The following PCDH11X variants were observed in gnomAD, a reference collection of about 807,000 sequenced individuals.
The protein encoded by PCDH11X is protocadherin-11 X-linked.
A neutral mutation model predicts 53.3 loss-of-function variants in PCDH11X; 18 were observed. That is an observed-to-expected ratio of 0.34 (90% CI 0.23 to 0.50). The LOEUF is 0.50. Among genes scored for constraint, PCDH11X ranks in the 20% least tolerant of loss-of-function variants. PCDH11X has a pLI of 0.98. For missense variants in PCDH11X, 570 were observed against 1,032.4 expected, an observed-to-expected ratio of 0.55 and a Z score of 6.14; for synonymous variants, 279 against 393.3, an observed-to-expected ratio of 0.71 and a Z score of 3.44.
chrX:91,838,361 A>G (rs1448669342), intron 5 of PCDH11X, among the ~76,000 whole-genome samples: 3 of 111,898 alleles, frequency 2.7e-5, no homozygotes, highest in Non-Finnish European at 5.6e-5. Flanking sequence ...AGAATGTGTG[A>G]TAAGCCTAAA....
At chrX:92,002,888 T>C (rs182334621) in intron 6 of PCDH11X, among the ~76,000 whole-genome samples, 2,626 of 106,251 alleles carry the variant, frequency 0.025, 86 homozygotes, top group African/African-American at 0.082. Flanking sequence ...TATATTTTTC[T>C]TATGGCTCAT....
At chrX:92,177,591 G>A (rs56172869) in intron 6 of PCDH11X, among the ~76,000 whole-genome samples, 5 of 110,111 alleles carry the variant, frequency 4.5e-5, no homozygotes, top group African/African-American at 1.7e-4. Flanking sequence ...CTCTGGGGCC[G>A]GCCTGTATAA....
At chrX:92,522,257 T>G (rs1022517310) in intron 10 of PCDH11X, among the ~76,000 whole-genome samples, 10 of 111,743 alleles carry the variant, frequency 8.9e-5, no homozygotes, top group African/African-American at 2.9e-4. Context: ...GATGCCATTT[T>G]ATGGTTATTA....
intron 7 of PCDH11X, among the ~76,000 whole-genome samples, chrX:92,239,524 AATG>A (rs760489249): frequency 9.6e-4 from 107 of 111,777 alleles, no homozygotes; most frequent in African/African-American, 3.3e-3. Flanking sequence ...CTGTAAATGA[AATG>A]ATAACTTTTG....
intron 6 of PCDH11X, among the ~76,000 whole-genome samples, chrX:91,939,180 A>G (rs894707775): frequency 9.0e-6 from 1 of 111,324 alleles, no homozygotes; most frequent in African/African-American, 3.3e-5. Context: ...ACTTCCAGAA[A>G]TGCCAGCCAA....
chrX:92,448,798 T>A (rs971781771), intron 9 of PCDH11X, among the ~76,000 whole-genome samples: 7 of 111,241 alleles, frequency 6.3e-5, no homozygotes, highest in Non-Finnish European at 9.4e-5. Context: ...GGCTAAGTAG[T>A]ATATGTGGTT....
At chrX:92,170,790 GT>G (rs1346447742) in intron 6 of PCDH11X, among the ~76,000 whole-genome samples, 1 of 99,211 alleles carries the variant, frequency 1.0e-5, no homozygotes, top group African/African-American at 3.6e-5. Context: ...TTGTTTTTTT[GT>G]TTTTTGTTTT....
intron 1 of PCDH11X, among the ~76,000 whole-genome samples, chrX:91,800,879 C>T (rs2147539080): frequency 9.3e-6 from 1 of 107,859 alleles, no homozygotes; most frequent in African/African-American, 3.4e-5. Context: ...CATAGAAATG[C>T]TGTTTTTTAA....
At chrX:92,535,256 G>A (rs1209550475) in intron 10 of PCDH11X, among the ~76,000 whole-genome samples, 4 of 111,446 alleles carry the variant, frequency 3.6e-5, no homozygotes, top group Admixed American at 9.5e-5. Flanking sequence ...ACAATACAAC[G>A]ACATGCAATC....
chrX:92,448,003 A>G (rs1014921850), intron 9 of PCDH11X, among the ~76,000 whole-genome samples: 1 of 105,735 alleles, frequency 9.5e-6, no homozygotes, highest in African/African-American at 3.5e-5. Flanking sequence ...TGGGGCCTGT[A>G]GTCTCTTTGT....
intron 6 of PCDH11X, among the ~76,000 whole-genome samples, chrX:91,989,855 T>C (rs867844343): frequency 6.3e-5 from 7 of 110,322 alleles, no homozygotes; most frequent in Non-Finnish European, 1.3e-4. Context: ...TATTATTTCT[T>C]CAGATACCTT....
intron 8 of PCDH11X, among the ~76,000 whole-genome samples, chrX:92,290,109 CTTAT>C (rs1311212678): frequency 9.0e-6 from 1 of 111,410 alleles, no homozygotes; most frequent in African/African-American, 3.3e-5. Flanking sequence ...TGCAACTGTT[CTTAT>C]TTATTTGACA....
chrX:92,314,666 A>G (rs2069035555), intron 8 of PCDH11X, among the ~76,000 whole-genome samples: 1 of 110,710 alleles, frequency 9.0e-6, no homozygotes, highest in Non-Finnish European at 1.9e-5. Flanking sequence ...CTACGAAGTC[A>G]CTAGGCAGTA....
At chrX:92,405,367 CAAGA>C (rs980962210) in intron 9 of PCDH11X, among the ~76,000 whole-genome samples, 4 of 82,932 alleles carry the variant, frequency 4.8e-5, no homozygotes, top group African/African-American at 1.8e-4. Flanking sequence ...CTGACCTAAA[CAAGA>C]AAGGCCATAG....
intron 9 of PCDH11X, among the ~76,000 whole-genome samples, chrX:92,389,924 T>C (rs974782951): frequency 6.4e-5 from 7 of 109,416 alleles, no homozygotes; most frequent in Non-Finnish European, 1.3e-4. Flanking sequence ...ACATTAAATA[T>C]CTTGTTCATA....
At chrX:92,494,743 GA>G (rs1390965608) in intron 10 of PCDH11X, among the ~76,000 whole-genome samples, 4 of 102,736 alleles carry the variant, frequency 3.9e-5, no homozygotes, top group Non-Finnish European at 7.9e-5. Context: ...TCTTTGACCT[GA>G]AGTATCAGTA....
chrX:92,399,125 G>A (rs1013095919), intron 9 of PCDH11X, among the ~76,000 whole-genome samples: 9 of 107,175 alleles, frequency 8.4e-5, no homozygotes, highest in Admixed American at 3.0e-4. Context: ...CCCTGGAGGC[G>A]GAGCTTGCAG....
At chrX:91,908,078 C>A (rs1569436812) in intron 6 of PCDH11X, among the ~76,000 whole-genome samples, 2 of 111,432 alleles carry the variant, frequency 1.8e-5, no homozygotes, top group South Asian at 3.7e-4. Context: ...TTGGAAGATA[C>A]CCTAAGCAAT....
chrX:91,947,274 C>A (rs1156454000), intron 6 of PCDH11X, among the ~76,000 whole-genome samples: 2 of 109,131 alleles, frequency 1.8e-5, no homozygotes, highest in African/African-American at 3.3e-5. Context: ...CATTCAAGTG[C>A]AAATCTTGAT....
Sources: allele counts gnomAD v4.1 joint callset (sites outside exome capture counted in the v4.1 genomes callset), GRCh38; gene constraint gnomAD v4.1.1; transcripts MANE v1.5; gene names NCBI Gene and HGNC (gene_info 2026-07-23, HGNC 2026-07-21).